The following TNIK variants were observed in gnomAD, a reference collection of about 807,000 sequenced individuals.
The protein encoded by TNIK is TRAF2 and NCK-interacting protein kinase.
A neutral mutation model predicts 191.3 loss-of-function variants in TNIK; 49 were observed. The ratio of observed to expected loss-of-function variants is 0.26; its 90% CI spans 0.20 to 0.32. The LOEUF is 0.32. Among genes scored for constraint, TNIK ranks in the 10% least tolerant of loss-of-function variants. The pLI is 1.00. For synonymous variants in TNIK, 594 were observed against 600.9 expected, an observed-to-expected ratio of 0.99 and a Z score of 0.17; for missense variants, 1,155 against 1,702.3, an observed-to-expected ratio of 0.68 and a Z score of 5.66.
intron 1 of TNIK, among the ~76,000 whole-genome samples, chr3:171,388,297 AC>A (rs1560008978): frequency 6.6e-6 from 1 of 152,360 alleles, no homozygotes; most frequent in African/African-American, 2.4e-5. Flanking sequence ...TTTTTATAAA[AC>A]ATAACAACTT....
chr3:171,363,727 G>T (rs1559977504), intron 2 of TNIK, among the ~76,000 whole-genome samples: 1 of 152,168 alleles, frequency 6.6e-6, no homozygotes, highest in Non-Finnish European at 1.5e-5. Context: ...TTAATGAAGA[G>T]ATCGTGATAT....
At chr3:171,289,850 C>T (rs1341664708) in intron 2 of TNIK, among the ~76,000 whole-genome samples, 3 of 147,918 alleles carry the variant, frequency 2.0e-5, no homozygotes, top group African/African-American at 7.7e-5. Context: ...TGCAGTGAGC[C>T]GACATGGCGC....
At chr3:171,248,775 A>G (rs758289047) in intron 2 of TNIK, among the ~76,000 whole-genome samples, 1 of 152,230 alleles carries the variant, frequency 6.6e-6, no homozygotes, top group Non-Finnish European at 1.5e-5. Flanking sequence ...TCAATATTAT[A>G]CCATTTTACA....
chr3:171,254,684 C>A (rs1362371599), intron 2 of TNIK, among the ~76,000 whole-genome samples: 1 of 152,182 alleles, frequency 6.6e-6, no homozygotes, highest in Non-Finnish European at 1.5e-5. Context: ...GTGTCTATCC[C>A]TCCCTTTACA....
intron 1 of TNIK, among the ~76,000 whole-genome samples, chr3:171,383,781 A>G (rs1262513201): frequency 1.3e-5 from 2 of 152,222 alleles, no homozygotes; most frequent in East Asian, 3.8e-4. Flanking sequence ...CAGGCCACAG[A>G]ATTCTGTGGA....
At chr3:171,143,202 T>C (rs984836443) in intron 12 of TNIK, among the ~76,000 whole-genome samples, 3 of 152,190 alleles carry the variant, frequency 2.0e-5, no homozygotes, top group African/African-American at 7.2e-5. Flanking sequence ...TAAATCGCTT[T>C]CCCAACCTTC....
chr3:171,183,644 C>G (rs542735994), intron 7 of TNIK, among the ~76,000 whole-genome samples: 2 of 152,078 alleles, frequency 1.3e-5, no homozygotes, highest in Non-Finnish European at 2.9e-5. Context: ...TGGCCCCCAC[C>G]GGGTCCAGTG....
At chr3:171,289,328 C>T (rs1322526912) in intron 2 of TNIK, among the ~76,000 whole-genome samples, 5 of 152,132 alleles carry the variant, frequency 3.3e-5, no homozygotes, top group Non-Finnish European at 7.3e-5. Flanking sequence ...CTTTAAAAGG[C>T]TATGGTTCTA....
intron 19 of TNIK, among the ~76,000 whole-genome samples, chr3:171,108,540 C>T (rs1485577239): frequency 6.6e-6 from 1 of 152,150 alleles, no homozygotes; most frequent in Non-Finnish European, 1.5e-5. Flanking sequence ...ACAAAGATGA[C>T]ACAACTGTCC....
intron 1 of TNIK, among the ~76,000 whole-genome samples, chr3:171,373,015 C>G (rs1168142951): frequency 1.3e-5 from 2 of 152,182 alleles, no homozygotes; most frequent in Non-Finnish European, 2.9e-5. Context: ...GCTCTCTTCT[C>G]TCTTTCCCCC....
intron 6 of TNIK, 146 bp from the exon 7 acceptor site, chr3:171,188,978 A>G: frequency 1.0e-6 from 1 of 975,410 alleles, no homozygotes; most frequent in Non-Finnish European, 1.5e-6. Flanking sequence ...TTTCTGGGGC[A>G]CTAAGCACAT....
chr3:171,071,395 G>T, intron 28 of TNIK, 72 bp from the exon 29 acceptor site: 1 of 1,044,876 alleles, frequency 9.6e-7, no homozygotes, highest in Non-Finnish European at 1.4e-6. Flanking sequence ...ATTAATGAAT[G>T]TATAAGCAAC....
intron 2 of TNIK, among the ~76,000 whole-genome samples, chr3:171,318,487 T>A (rs1327679052): frequency 6.6e-6 from 1 of 152,186 alleles, no homozygotes; most frequent in African/African-American, 2.4e-5. Flanking sequence ...AAGTTAATTC[T>A]TATTGTATAC....
chr3:171,179,379 C>A (rs1736357743), intron 7 of TNIK, among the ~76,000 whole-genome samples: 1 of 152,182 alleles, frequency 6.6e-6, no homozygotes, highest in South Asian at 2.1e-4. Flanking sequence ...TGGCTCAACC[C>A]ATCTATTACA....
At chr3:171,346,202 G>A (rs1238248463) in intron 2 of TNIK, among the ~76,000 whole-genome samples, 4 of 152,104 alleles carry the variant, frequency 2.6e-5, no homozygotes, top group African/African-American at 9.7e-5. Context: ...TGGCGTGGTT[G>A]ATCATTAATT....
At chr3:171,417,268 A>T (rs1221587663) in intron 1 of TNIK, among the ~76,000 whole-genome samples, 1 of 152,196 alleles carries the variant, frequency 6.6e-6, no homozygotes, top group Non-Finnish European at 1.5e-5. Context: ...TGACTCAATA[A>T]ATTAGTAGCA....
intron 23 of TNIK, among the ~76,000 whole-genome samples, chr3:171,089,787 G>T (rs1313004836): frequency 6.6e-6 from 1 of 152,118 alleles, no homozygotes; most frequent in Non-Finnish European, 1.5e-5. Flanking sequence ...ATTCCCGTGG[G>T]GATTGGCACA....
At chr3:171,195,128 G>A (rs915968703) in intron 4 of TNIK, among the ~76,000 whole-genome samples, 1 of 152,174 alleles carries the variant, frequency 6.6e-6, no homozygotes, top group African/African-American at 2.4e-5. Context: ...TTCAGCGAAT[G>A]TTCCCAGGAG....
chr3:171,450,922 T>TA (rs1387187064), intron 1 of TNIK, among the ~76,000 whole-genome samples: 1 of 152,198 alleles, frequency 6.6e-6, no homozygotes, highest in African/African-American at 2.4e-5. Context: ...GCCAGATTTT[T>TA]AAAAAATTCA....
Sources: gnomAD v4.1 joint callset for allele counts (sites outside exome capture counted in the v4.1 genomes callset) on GRCh38, gnomAD v4.1.1 for gene constraint, MANE v1.5 for transcripts, NCBI Gene and HGNC (gene_info 2026-07-23, HGNC 2026-07-21) for gene names.